Variants in YAF2 observed in about 807,000 individuals in gnomAD.
The protein encoded by YAF2 is YY1-associated factor 2.
A neutral mutation model predicts 20.1 loss-of-function variants in YAF2; 7 were observed. The observed-to-expected ratio is 0.35, with a 90% CI of 0.20 to 0.65. The LOEUF (loss-of-function observed/expected upper bound fraction) is 0.65, where lower values mean the gene tolerates loss of function less well. Among genes scored for constraint, YAF2 ranks in the 30% least tolerant of loss-of-function variants. The pLI is 0.69. For missense variants in YAF2, 151 were observed against 219.2 expected (o/e 0.69, Z 1.96); for synonymous variants, 74 against 76.0 (o/e 0.97, Z 0.14).
At chr12:42,164,999 G>A (rs1034855642) in intron 2 of YAF2, among the ~76,000 whole-genome samples, 3 of 149,766 alleles carry the variant, frequency 2.0e-5, no homozygotes, top group Non-Finnish European at 4.4e-5. Context: ...AGGTTGCAGT[G>A]AGCCACGATC....
chr12:42,233,436 A>G (rs1343424866), intron 2 of YAF2: 1 of 979,098 alleles, frequency 1.0e-6, no homozygotes, highest in Non-Finnish European at 1.2e-6. Context: ...ACCAGTCTTA[A>G]ATTAATCATC....
intron 2 of YAF2, among the ~76,000 whole-genome samples, chr12:42,228,049 G>A (rs1416756410): frequency 1.8e-4 from 20 of 108,896 alleles, no homozygotes; most frequent in East Asian, 9.3e-4. Context: ...CCGGCCAGCC[G>A]CCCCGTCTGG....
chr12:42,224,229 A>C (rs2067613262), intron 2 of YAF2, among the ~76,000 whole-genome samples: 1 of 152,152 alleles, frequency 6.6e-6, no homozygotes, highest in African/African-American at 2.4e-5. Flanking sequence ...TTCATCCACA[A>C]TTCTGTAGTC....
rs146720992 is a variant in YAF2, at chr12:42,235,373, C to T, written c.152+2226G>A. On this transcript the variant is annotated intron_variant, in intron 2 of 3. Coordinates refer to ENST00000534854, the MANE Select transcript of YAF2 (RefSeq NM_005748.6). ...CTTTAATCTTGTTTTTTTAACATTACCAGAGAGGAAAAATATTAATATTCT... is the reference window on the plus strand; with the variant it reads ...CTTTAATCTTGTTTTTTTAACATTATCAGAGAGGAAAAATATTAATATTCT... The T allele has an allele frequency of 3.2e-4, 323 of 1,017,224 alleles. 3 individuals are homozygous for T. In the African/African-American group the frequency reaches 4.5e-3, roughly 14 times the overall value. The allele number at this position is 1,017,224 out of a possible 1,614,324, so 63.0% of individuals were successfully genotyped here. A position where few individuals can be genotyped will look rare whatever the true frequency, so the allele number is the denominator to read the frequency against.
At chr12:42,236,532 C>T (rs1353683728) in intron 2 of YAF2, among the ~76,000 whole-genome samples, 3 of 150,988 alleles carry the variant, frequency 2.0e-5, no homozygotes, top group Non-Finnish European at 2.9e-5. Flanking sequence ...TCAACCATTC[C>T]TGTCTCTAAA....
rs2066317571 is a variant in YAF2 at position 42,180,575 on chromosome 12, A to C, written c.153-18810T>G. Among the ~76,000 whole-genome samples the C allele has an allele frequency of 2.6e-5, 4 of 152,290 alleles. No homozygotes were observed. The South Asian group carries it at 8.3e-4, about 32-fold the overall frequency. On this transcript the variant is annotated intron_variant, in intron 2 of 3. Coordinates refer to ENST00000534854, the MANE Select transcript of YAF2 (RefSeq NM_005748.6). ...TATCCATAGAAATCTGTGAGATATA[A>C]ATGTCGGTAAGTAGCTAAGTTCCGG...
chr12:42,179,156 G>A (rs932867698), intron 2 of YAF2, among the ~76,000 whole-genome samples: 1 of 152,180 alleles, frequency 6.6e-6, no homozygotes, highest in South Asian at 2.1e-4. Flanking sequence ...GTTTAGTTGT[G>A]AAGTTTCCAA....
At position 42,237,756 on chromosome 12, in the gene YAF2, C is replaced by A; in HGVS notation, c.27-32G>T. The A allele has an allele frequency of 2.7e-6, 4 of 1,474,260 alleles. No individual in the cohort carries two copies. In the African/African-American group the frequency reaches 4.4e-5, roughly 16 times the overall value. The allele number at this position is 1,474,260 out of a possible 1,614,324, so 91.3% of individuals were successfully genotyped here. Reference sequence around the variant, plus strand: ...GACACAACCCGGACACGACGCGGCGCGGGGTCACCAGCAGGCCGCGCCCGG... The same window carrying A: ...GACACAACCCGGACACGACGCGGCGAGGGGTCACCAGCAGGCCGCGCCCGG... On this transcript the variant is annotated intron_variant, in intron 1 of 3. Coordinates refer to ENST00000534854, the MANE Select transcript of YAF2 (RefSeq NM_005748.6).
intron 2 of YAF2, among the ~76,000 whole-genome samples, chr12:42,182,694 T>C (rs2137055184): frequency 6.6e-6 from 1 of 152,346 alleles, no homozygotes; most frequent in East Asian, 1.9e-4. Context: ...GTAATGTTTT[T>C]TCCACAGAAA....
chr12:42,234,202 A>G (rs1041160154), intron 2 of YAF2: 2 of 160,310 alleles, frequency 1.2e-5, no homozygotes, highest in Non-Finnish European at 7.4e-6. Context: ...GAGAAAAGAA[A>G]AGAAAAGAAA....
At chr12:42,165,445 G>T (rs1168717130) in intron 2 of YAF2, among the ~76,000 whole-genome samples, 1 of 151,582 alleles carries the variant, frequency 6.6e-6, no homozygotes, top group Non-Finnish European at 1.5e-5. Context: ...ACCTCGAATG[G>T]CCAAAAGGTT....
chr12:42,218,722 T>C (rs1368437810), intron 2 of YAF2, among the ~76,000 whole-genome samples: 2 of 152,188 alleles, frequency 1.3e-5, no homozygotes, highest in African/African-American at 4.8e-5. Context: ...TCATAATGTA[T>C]ACTTTGATAG....
intron 2 of YAF2, among the ~76,000 whole-genome samples, chr12:42,205,004 T>C (rs897739761): frequency 3.3e-5 from 5 of 152,020 alleles, no homozygotes; most frequent in Non-Finnish European, 5.9e-5. Flanking sequence ...GAATTGTACA[T>C]TTTAACCAGG....
At chr12:42,237,300 G>A (rs756106035) in intron 2 of YAF2, 21 of 698,576 alleles carry the variant, frequency 3.0e-5, no homozygotes, top group Non-Finnish European at 3.9e-5. Flanking sequence ...TTTATACCCA[G>A]AATGGGGAGA....
chr12:42,199,786 T>C (rs974511339), intron 2 of YAF2, among the ~76,000 whole-genome samples: 2 of 152,016 alleles, frequency 1.3e-5, no homozygotes, highest in Admixed American at 6.6e-5. Flanking sequence ...AAAAGACTAT[T>C]AGCTTAAAAA....
intron 2 of YAF2, among the ~76,000 whole-genome samples, chr12:42,174,410 A>G (rs560576298): frequency 6.6e-6 from 1 of 151,786 alleles, no homozygotes; most frequent in African/African-American, 2.4e-5. Context: ...AGGACACCAC[A>G]CTCTTCACAT....
At chr12:42,201,174 C>T (rs1446453771) in intron 2 of YAF2, among the ~76,000 whole-genome samples, 1 of 152,040 alleles carries the variant, frequency 6.6e-6, no homozygotes, top group Non-Finnish European at 1.5e-5. Flanking sequence ...ATTATTTTTT[C>T]CAAATGAATA....
At chr12:42,193,093 T>A (rs535561356) in intron 2 of YAF2, among the ~76,000 whole-genome samples, 6 of 152,168 alleles carry the variant, frequency 3.9e-5, no homozygotes, top group African/African-American at 1.4e-4. Flanking sequence ...GGGGGGCAGA[T>A]CACTAGAGGC....
intron 2 of YAF2, among the ~76,000 whole-genome samples, chr12:42,194,634 G>A (rs1196730224): frequency 1.3e-5 from 2 of 152,020 alleles, no homozygotes; most frequent in Non-Finnish European, 2.9e-5. Flanking sequence ...ATAAATCTAA[G>A]CCATTCTTAT....
Sources: allele counts gnomAD v4.1 joint callset (sites outside exome capture counted in the v4.1 genomes callset), GRCh38; gene constraint gnomAD v4.1.1; transcripts MANE v1.5; gene names NCBI Gene and HGNC (gene_info 2026-07-23, HGNC 2026-07-21).